DNAH3: variants seen among roughly 807,000 people sequenced by gnomAD.
DNAH3 encodes the protein axonemal beta dynein heavy chain 3.
In DNAH3, 332 loss-of-function variants were observed where a neutral mutation model predicts 432.5. That is an observed-to-expected ratio of 0.77 (90% confidence interval 0.70 to 0.84). DNAH3 has a LOEUF of 0.84. DNAH3 is among the 40% of genes least tolerant of loss of function. DNAH3 has a pLI of 0.00. For synonymous variants in DNAH3, 1,956 were observed against 1,900.2 expected, an observed-to-expected ratio of 1.03 and a Z score of -0.76; for missense variants, 4,861 against 5,114.0, an observed-to-expected ratio of 0.95 and a Z score of 1.51.
At chr16:21,030,653 C>T (rs980923841) in intron 37 of DNAH3, among the ~76,000 whole-genome samples, 5 of 152,232 alleles carry the variant, frequency 3.3e-5, no homozygotes, top group South Asian at 2.1e-4. Flanking sequence ...AAACATATCC[C>T]GCAGGTACTA....
intron 52 of DNAH3, among the ~76,000 whole-genome samples, chr16:20,966,931 T>C (rs753492996): frequency 1.3e-4 from 20 of 152,214 alleles, no homozygotes; most frequent in Non-Finnish European, 2.8e-4. Flanking sequence ...GCAGCCATCA[T>C]GCTGACTAAC....
At chr16:21,078,966 C>A (rs2091077044) in intron 20 of DNAH3, among the ~76,000 whole-genome samples, 1 of 152,218 alleles carries the variant, frequency 6.6e-6, no homozygotes, top group South Asian at 2.1e-4. Flanking sequence ...TAGCTACTCT[C>A]CCATGTTACA....
chr16:20,949,961 G>A (rs922551012), intron 56 of DNAH3, among the ~76,000 whole-genome samples: 1 of 152,130 alleles, frequency 6.6e-6, no homozygotes, highest in East Asian at 1.9e-4. Context: ...AGGAACCCTA[G>A]GATGTGCTTC....
At chr16:20,944,780 C>CACAT in intron 57 of DNAH3, 117 bp from the exon 58 acceptor site, 2 of 642,636 alleles carry the variant, frequency 3.1e-6, no homozygotes, top group Non-Finnish European at 5.1e-6. Flanking sequence ...GCACAGGACA[C>CACAT]ACACACACAC....
At chr16:21,153,421 G>A (rs2092875775) in intron 1 of DNAH3, among the ~76,000 whole-genome samples, 1 of 152,134 alleles carries the variant, frequency 6.6e-6, no homozygotes. Context: ...GAACCTTTGT[G>A]TCTAGCTCAG....
chr16:20,985,420 T>C (rs1442774821), exon 48 of DNAH3: 11 of 1,614,194 alleles, frequency 6.8e-6, no homozygotes, highest in Non-Finnish European at 9.3e-6. Flanking sequence ...GGCGGCACTT[T>C]GCCGCCCGCT....
chr16:20,959,090 C>A (rs2084696369), intron 54 of DNAH3, 89 bp downstream of exon 54: 7 of 1,370,308 alleles, frequency 5.1e-6, no homozygotes, highest in Non-Finnish European at 5.2e-6. Context: ...TTCTAAGGGG[C>A]AGGACTGTGT....
At chr16:21,062,404 G>T in intron 25 of DNAH3, 78 bp downstream of exon 25, 2 of 1,214,470 alleles carry the variant, frequency 1.6e-6, no homozygotes, top group Non-Finnish European at 2.4e-6. Context: ...CTGGTGCTTA[G>T]TCCCAGTGCT....
chr16:20,990,792 C>T (rs866377447), intron 44 of DNAH3, among the ~76,000 whole-genome samples: 1 of 152,028 alleles, frequency 6.6e-6, no homozygotes, highest in Non-Finnish European at 1.5e-5. Context: ...GAGGCCGAGG[C>T]GTGCAGATCA....
chr16:21,013,861 A>T (rs1402445212), intron 41 of DNAH3, among the ~76,000 whole-genome samples: 2 of 152,204 alleles, frequency 1.3e-5, no homozygotes, highest in African/African-American at 4.8e-5. Context: ...TCCTTGAAAG[A>T]CATGATTTAC....
At chr16:21,051,977 CTATTTTATTT>C (rs139853718) in intron 28 of DNAH3, 109 bp from the exon 29 acceptor site, 24 of 816,308 alleles carry the variant, frequency 2.9e-5, no homozygotes, top group Middle Eastern at 3.1e-4. Flanking sequence ...ATTCTCCAAA[CTATTTTATTT>C]TATTTTATTT....
intron 12 of DNAH3, among the ~76,000 whole-genome samples, chr16:21,115,823 A>T (rs2092184804): frequency 6.6e-6 from 1 of 152,172 alleles, no homozygotes; most frequent in South Asian, 2.1e-4. Context: ...GGGAAAACAG[A>T]GGTTTCAAAT....
At chr16:21,127,952 T>TGCTGAGGAGGATATGGGAG (rs2092476489) in intron 7 of DNAH3, 140 bp from the exon 9 acceptor site, 3 of 1,068,206 alleles carry the variant, frequency 2.8e-6, no homozygotes, top group Non-Finnish European at 4.1e-6. Context: ...ATGGGAAAGA[T>TGCTGAGGAGGATATGGGAG]GCTGAGGAGG....
At chr16:20,961,712 T>C (rs1390933059) in intron 53 of DNAH3, among the ~76,000 whole-genome samples, 3 of 151,208 alleles carry the variant, frequency 2.0e-5, no homozygotes, top group Admixed American at 2.0e-4. Flanking sequence ...CGCCAACAGC[T>C]TGATTTCAAA....
intron 51 of DNAH3, 101 bp downstream of exon 51, chr16:20,975,132 T>G: frequency 7.0e-7 from 1 of 1,421,240 alleles, no homozygotes; most frequent in Non-Finnish European, 9.6e-7. Flanking sequence ...TGCCCAGCCT[T>G]GCCTACCCTT....
intron 48 of DNAH3, among the ~76,000 whole-genome samples, chr16:20,984,471 T>C (rs1372644094): frequency 6.6e-6 from 1 of 152,154 alleles, no homozygotes; most frequent in African/African-American, 2.4e-5. Context: ...GCTAGGTTTC[T>C]AGATACATTG....
At chr16:20,941,823 C>T (rs906848636) in intron 58 of DNAH3, among the ~76,000 whole-genome samples, 2 of 152,148 alleles carry the variant, frequency 1.3e-5, no homozygotes, top group African/African-American at 4.8e-5. Flanking sequence ...TTTAGGAGGC[C>T]GAAGTGGGTG....
intron 16 of DNAH3, among the ~76,000 whole-genome samples, chr16:21,102,368 G>A (rs370234286): frequency 4.1e-4 from 63 of 152,202 alleles, no homozygotes; most frequent in Non-Finnish European, 7.6e-4. Flanking sequence ...TGGTCTTGGA[G>A]TAATATTCTA....
chr16:20,989,432 C>T (rs2086421608), intron 44 of DNAH3, among the ~76,000 whole-genome samples: 1 of 152,194 alleles, frequency 6.6e-6, no homozygotes, highest in South Asian at 2.1e-4. Context: ...TCCAAGGCCC[C>T]ACCAGAGCAG....
Sources: allele counts gnomAD v4.1 joint callset (sites outside exome capture counted in the v4.1 genomes callset), GRCh38; gene constraint gnomAD v4.1.1; transcripts MANE v1.5; gene names NCBI Gene and HGNC (gene_info 2026-07-23, HGNC 2026-07-21).